Variants in HCN1 observed in about 807,000 individuals in gnomAD.
HCN1 encodes hyperpolarization activated cyclic nucleotide gated potassium channel 1.
Under a neutral mutation model 78.9 loss-of-function variants are expected in HCN1, and 13 were observed. The observed-to-expected ratio is 0.16, with a 90% CI of 0.11 to 0.26. HCN1 has a LOEUF of 0.26. Ranked by LOEUF, HCN1 falls within the 10% of genes least tolerant of loss-of-function variation. HCN1 has a pLI of 1.00. For missense variants in HCN1, 810 were observed against 1,154.3 expected, an observed-to-expected ratio of 0.70 and a Z score of 4.32; for synonymous variants, 552 against 455.5, an observed-to-expected ratio of 1.21 and a Z score of -2.70.
At chr5:45,493,425 T>C (rs1411824008) in intron 2 of HCN1, among the ~76,000 whole-genome samples, 1 of 152,068 alleles carries the variant, frequency 6.6e-6, no homozygotes, top group African/African-American at 2.4e-5. Context: ...TGTAATAGTT[T>C]TATATATTCC....
At chr5:45,616,682 G>C (rs1339032589) in intron 2 of HCN1, among the ~76,000 whole-genome samples, 2 of 151,902 alleles carry the variant, frequency 1.3e-5, no homozygotes, top group Non-Finnish European at 1.5e-5. Context: ...AAAGAAGAAA[G>C]AGAAGTTAAT....
intron 4 of HCN1, among the ~76,000 whole-genome samples, chr5:45,364,585 A>T (rs1747196059): frequency 6.6e-6 from 1 of 152,072 alleles, no homozygotes; most frequent in South Asian, 2.1e-4. Flanking sequence ...TCTCTATCCA[A>T]CCTGCAGCCT....
Position 45,695,907 on chromosome 5 carries a change from C to G in HCN1, c.187G>C (p.Gly63Arg). ...CCGCCGCCGCCACCGCCGCCACCGCCGTCCACCTTGAAGCACACGGAGTTG... is the reference window on the plus strand; with the variant it reads ...CCGCCGCCGCCACCGCCGCCACCGCGGTCCACCTTGAAGCACACGGAGTTG... ...HGNSVCFKVD[G>R]GGGGGGGGGG... The change falls in exon 1 of 8, where the codon GGC becomes CGC. Residue 63 changes from glycine (G) to arginine (R), a missense_variant. Gly to Arg is a moderately radical substitution (Grantham distance 125). Around this residue, in one of 6 missense-constraint regions of HCN1, gnomAD observed 170 missense variants for 166.8 expected, o/e 1.02. Coordinates refer to ENST00000303230, the MANE Select transcript of HCN1 (RefSeq NM_021072.4). 6.6e-7 allele frequency: 1 copy of G among 1,510,412 alleles called. No homozygotes were observed. The highest frequency in any genetic ancestry group is 8.8e-7 in the Non-Finnish European group (1 of 1,136,262). The allele number at this position is 1,510,412 out of a possible 1,614,324, so 93.6% of individuals were successfully genotyped here.
At chr5:45,473,402 C>T (rs927756806) in intron 2 of HCN1, among the ~76,000 whole-genome samples, 16 of 151,830 alleles carry the variant, frequency 1.1e-4, no homozygotes, top group African/African-American at 3.9e-4. Flanking sequence ...CATACTAAGC[C>T]TGCTTACCTC....
chr5:45,665,071 G>A (rs375665038), intron 1 of HCN1, among the ~76,000 whole-genome samples: 1 of 151,168 alleles, frequency 6.6e-6, no homozygotes, highest in African/African-American at 2.4e-5. Flanking sequence ...ATGATAGACT[G>A]GATTAAGAAA....
chr5:45,500,351 A>G (rs926758490), intron 2 of HCN1, among the ~76,000 whole-genome samples: 2 of 152,174 alleles, frequency 1.3e-5, no homozygotes, highest in African/African-American at 4.8e-5. Context: ...ATTCATTTGG[A>G]ATAATTTTCC....
chr5:45,601,414 G>A (rs1744622151), intron 2 of HCN1, among the ~76,000 whole-genome samples: 1 of 152,138 alleles, frequency 6.6e-6, no homozygotes, highest in African/African-American at 2.4e-5. Flanking sequence ...TTTTACTGTG[G>A]ATTCTGCCAT....
chr5:45,261,850 GAATAA>G lies in HCN1; in HGVS notation c.*66_*70del. 6.3e-7 allele frequency: 1 copy of G among 1,586,048 alleles called. No homozygotes were observed. Among genetic ancestry groups the G allele is most frequent in the Non-Finnish European group, 8.6e-7 (1 of 1,158,068 alleles). The stretch of plus-strand genomic sequence containing the variant: ...GGCTAGAGGGATCTATCAGGAGATA[GAATAA>G]AATAAGATCTGAGTATAGTCTCAGT... On this transcript the variant is annotated 3_prime_UTR_variant, in exon 8 of 8. Transcript: ENST00000303230.
At chr5:45,349,321 C>A (rs1041793290) in intron 5 of HCN1, among the ~76,000 whole-genome samples, 3 of 152,088 alleles carry the variant, frequency 2.0e-5, no homozygotes, top group Non-Finnish European at 2.9e-5. Flanking sequence ...TTCTTTGAAA[C>A]CAATGAGAAC....
intron 2 of HCN1, among the ~76,000 whole-genome samples, chr5:45,473,004 T>A (rs1245442874): frequency 6.6e-6 from 1 of 151,930 alleles, no homozygotes; most frequent in East Asian, 1.9e-4. Context: ...GAACTGTTTT[T>A]TAATTGTTGA....
intron 2 of HCN1, among the ~76,000 whole-genome samples, chr5:45,488,794 T>C (rs1009880070): frequency 9.2e-5 from 14 of 152,192 alleles, no homozygotes; most frequent in African/African-American, 2.7e-4. Context: ...CAGCCATTCC[T>C]ATTCTTCATG....
Position 45,695,884 on chromosome 5 carries a change from GCCGCCGCCA to G in HCN1, c.201_209del (p.Gly72_Gly74del), listed in dbSNP as rs56064803. 0.021 allele frequency: 32,483 copies of G among 1,529,748 alleles called. 621 individuals are homozygous for G. Among genetic ancestry groups the G allele is most frequent in the African/African-American group, 0.063 (4,529 of 71,980 alleles). The allele number at this position is 1,529,748 out of a possible 1,614,324, so 94.8% of individuals were successfully genotyped here. A position where few individuals can be genotyped will look rare whatever the true frequency, so the allele number is the denominator to read the frequency against. On this transcript the variant is annotated inframe_deletion, in exon 1 of 8. Transcript: ENST00000303230. ...CCGCCGGCTCCTCGCCGCCGCCGCC[GCCGCCGCCA>G]CCGCCGCCACCGCCGTCCACCTTGA... is the stretch of plus-strand genomic sequence containing the variant.
chr5:45,299,595 C>T (rs1046658114), intron 6 of HCN1, among the ~76,000 whole-genome samples: 1 of 151,640 alleles, frequency 6.6e-6, no homozygotes, highest in East Asian at 1.9e-4. Context: ...AATGTGTACT[C>T]AGTATTATGA....
intron 5 of HCN1, among the ~76,000 whole-genome samples, chr5:45,322,472 G>A (rs1464597528): frequency 6.6e-6 from 1 of 151,818 alleles, no homozygotes; most frequent in East Asian, 1.9e-4. Context: ...TGAAATGCTT[G>A]AGACCAGAAA....
chr5:45,301,889 C>G (rs1745630508), intron 6 of HCN1, among the ~76,000 whole-genome samples: 1 of 151,580 alleles, frequency 6.6e-6, no homozygotes. Context: ...AATTAAGAAA[C>G]AAGCAACAAA....
chr5:45,341,577 G>T (rs1273017878), intron 5 of HCN1, among the ~76,000 whole-genome samples: 1 of 152,150 alleles, frequency 6.6e-6, no homozygotes, highest in Non-Finnish European at 1.5e-5. Flanking sequence ...CCAAGAGATG[G>T]AAGTGGTCCA....
At chr5:45,678,609 C>A (rs781364487) in intron 1 of HCN1, among the ~76,000 whole-genome samples, 23 of 151,872 alleles carry the variant, frequency 1.5e-4, no homozygotes, top group Non-Finnish European at 2.7e-4. Context: ...TTGCTATTTT[C>A]ATTTAAATAG....
rs571220138 is a variant in HCN1 at position 45,366,994 on chromosome 5, T to C, written c.1231-13748A>G. 6.6e-5 allele frequency among the ~76,000 whole-genome samples: 10 copies of C among 151,872 alleles called. No individual in the cohort carries two copies. The South Asian group carries it at 2.1e-3, about 31-fold the overall frequency. On this transcript the variant is annotated intron_variant, in intron 4 of 7. Coordinates refer to ENST00000303230, the MANE Select transcript of HCN1 (RefSeq NM_021072.4). ...TGTTTCAGATCCAAGTATTGATTGG[T>C]TATCAGTCTCAACATAAATCAATTT...
chr5:45,690,919 G>T (rs1207425270), intron 1 of HCN1, among the ~76,000 whole-genome samples: 3 of 151,966 alleles, frequency 2.0e-5, no homozygotes, highest in Non-Finnish European at 4.4e-5. Flanking sequence ...TCTAAATAAT[G>T]AAGTGAATTA....
Sources: allele counts gnomAD v4.1 joint callset (sites outside exome capture counted in the v4.1 genomes callset), GRCh38; gene constraint gnomAD v4.1.1; regional missense constraint gnomAD v4.1.1; transcripts MANE v1.5; gene names NCBI Gene and HGNC (gene_info 2026-07-23, HGNC 2026-07-21).